MALL: variants seen among roughly 807,000 people sequenced by gnomAD.
MALL encodes mal, T cell differentiation protein like, also known as MAL-like protein.
A neutral mutation model predicts 10.3 loss-of-function variants in MALL; 2 were observed. That is an observed-to-expected ratio of 0.19 (90% CI 0.08 to 0.61). The LOEUF (loss-of-function observed/expected upper bound fraction) is 0.61. Among genes scored for constraint, MALL ranks in the 20% least tolerant of loss-of-function variants. The pLI, the probability that MALL is intolerant of heterozygous loss-of-function variation, is 0.88. For synonymous variants in MALL, 27 were observed against 51.8 expected (o/e 0.52, Z 2.05); for missense variants, 39 against 115.2 (o/e 0.34, Z 3.03).
chr2:110,099,282 T>C (rs547093048), intron 1 of MALL, among the ~76,000 whole-genome samples: 5 of 152,232 alleles, frequency 3.3e-5, no homozygotes, highest in Non-Finnish European at 7.4e-5. Context: ...TGGGAATGTG[T>C]GTGCGTGCCT....
chr2:110,102,003 C>G (rs1240290881), intron 1 of MALL, among the ~76,000 whole-genome samples: 1 of 152,114 alleles, frequency 6.6e-6, no homozygotes, highest in African/African-American at 2.4e-5. Context: ...CTCCCTGGCC[C>G]CCTGCCCCAG....
At chr2:110,096,421 C>T (rs1256807373) in intron 1 of MALL, among the ~76,000 whole-genome samples, 9 of 151,998 alleles carry the variant, frequency 5.9e-5, no homozygotes, top group Non-Finnish European at 1.2e-4. Flanking sequence ...TCTCACTGGC[C>T]CCTCTATCAT....
At chr2:110,103,296 G>C (rs1160953980) in intron 1 of MALL, among the ~76,000 whole-genome samples, 2 of 152,244 alleles carry the variant, frequency 1.3e-5, no homozygotes, top group South Asian at 4.1e-4. Flanking sequence ...TGGCTGAGAT[G>C]GGGGAGCTTG....
upstream of MALL, among the ~76,000 whole-genome samples, chr2:110,117,329 C>T (rs1678938237): frequency 6.6e-6 from 1 of 152,116 alleles, no homozygotes; most frequent in African/African-American, 2.4e-5. Flanking sequence ...CCATGGACAA[C>T]ATGGCATAGT....
intron 1 of MALL, among the ~76,000 whole-genome samples, chr2:110,113,435 CAAAAAA>C (rs58360665): frequency 5.3e-4 from 17 of 31,818 alleles, no homozygotes; most frequent in African/African-American, 1.5e-3. Context: ...GACTCTGTCT[CAAAAAA>C]AAAAAAAAAA....
upstream of MALL, chr2:110,115,890 A>AG (rs1223800707): frequency 2.7e-3 from 906 of 340,792 alleles, 10 homozygotes; most frequent in African/African-American, 0.025. Context: ...GTCGCCTGGG[A>AG]GGGAAAAAAA....
intron 1 of MALL, among the ~76,000 whole-genome samples, chr2:110,107,514 C>T (rs538098018): frequency 6.6e-6 from 1 of 152,236 alleles, no homozygotes; most frequent in East Asian, 1.9e-4. Context: ...CTCACCTTTA[C>T]CCCTCACAGC....
At chr2:110,092,640 G>A (rs1678395096) in intron 1 of MALL, among the ~76,000 whole-genome samples, 1 of 111,680 alleles carries the variant, frequency 9.0e-6, no homozygotes, top group African/African-American at 2.8e-5. Flanking sequence ...CACCAACATG[G>A]CACATGTATA....
chr2:110,105,273 C>T (rs967945721), intron 1 of MALL, among the ~76,000 whole-genome samples: 3 of 152,230 alleles, frequency 2.0e-5, no homozygotes, highest in Non-Finnish European at 4.4e-5. Context: ...CCAAGGTGGC[C>T]ACAGGCAGTG....
At chr2:110,104,746 C>G (rs925169874) in intron 1 of MALL, among the ~76,000 whole-genome samples, 4 of 152,186 alleles carry the variant, frequency 2.6e-5, no homozygotes, top group Non-Finnish European at 5.9e-5. Context: ...CACCTGTCTC[C>G]TGTCCTGGAG....
At chr2:110,099,287 G>A (rs976531824) in intron 1 of MALL, among the ~76,000 whole-genome samples, 9 of 152,148 alleles carry the variant, frequency 5.9e-5, no homozygotes, top group African/African-American at 1.9e-4. Flanking sequence ...ATGTGTGTGC[G>A]TGCCTGGCAA....
intron 1 of MALL, among the ~76,000 whole-genome samples, chr2:110,104,396 T>C (rs1483242886): frequency 6.6e-6 from 1 of 152,192 alleles, no homozygotes; most frequent in Non-Finnish European, 1.5e-5. Context: ...ACAGATTTCC[T>C]TGGCTGTTCT....
intron 1 of MALL, among the ~76,000 whole-genome samples, chr2:110,101,771 A>G (rs1445260514): frequency 6.6e-6 from 1 of 152,178 alleles, no homozygotes; most frequent in Non-Finnish European, 1.5e-5. Context: ...AATGTCACAT[A>G]AAATTGACTA....
intron 1 of MALL, among the ~76,000 whole-genome samples, chr2:110,099,531 T>C (rs1345483521): frequency 6.6e-6 from 1 of 152,184 alleles, no homozygotes; most frequent in Non-Finnish European, 1.5e-5. Context: ...CTTTTTCCTG[T>C]TACAAATGAT....
chr2:110,105,791 T>A (rs1047445291), intron 1 of MALL, among the ~76,000 whole-genome samples: 4 of 152,096 alleles, frequency 2.6e-5, no homozygotes, highest in Non-Finnish European at 5.9e-5. Context: ...CCTAATTTCT[T>A]CTCCCAGCCC....
chr2:110,108,717 TCTTTGC>T (rs953625731), intron 1 of MALL, among the ~76,000 whole-genome samples: 35 of 152,270 alleles, frequency 2.3e-4, no homozygotes, highest in African/African-American at 7.9e-4. Flanking sequence ...CACAAAAAGA[TCTTTGC>T]CTAGGCACAT....
intron 1 of MALL, among the ~76,000 whole-genome samples, chr2:110,105,479 G>A (rs1331147886): frequency 2.0e-5 from 3 of 152,210 alleles, no homozygotes; most frequent in Non-Finnish European, 4.4e-5. Flanking sequence ...CCCATGTCCT[G>A]CAGGAGAACA....
At chr2:110,116,155 C>G (rs1008986867), upstream of MALL, 12 of 206,892 alleles carry the variant, frequency 5.8e-5, no homozygotes, top group Admixed American at 4.8e-4. Context: ...TGCTTGGCTA[C>G]GAGGGCTGCG....
At chr2:110,109,274 G>T (rs1311398417) in intron 1 of MALL, among the ~76,000 whole-genome samples, 3 of 152,036 alleles carry the variant, frequency 2.0e-5, no homozygotes, top group Non-Finnish European at 2.9e-5. Context: ...GAATGGATAA[G>T]AACTCACCAA....
Sources: allele counts gnomAD v4.1 joint callset (sites outside exome capture counted in the v4.1 genomes callset), GRCh38; gene constraint gnomAD v4.1.1; transcripts MANE v1.5; gene names NCBI Gene and HGNC (gene_info 2026-07-23, HGNC 2026-07-21).